The following SETBP1 variants were observed in gnomAD, a reference collection of about 807,000 sequenced individuals.
The protein encoded by SETBP1 is SET binding protein 1, also known as SET-binding protein.
In SETBP1, 9 loss-of-function variants were observed where a neutral mutation model predicts 101.0. The ratio of observed to expected loss-of-function variants is 0.09; its 90% CI spans 0.05 to 0.16. The LOEUF is 0.16. Among genes scored for constraint, SETBP1 ranks in the 10% least tolerant of loss-of-function variants. The pLI is 1.00. For synonymous variants in SETBP1, 818 were observed against 788.5 expected, an observed-to-expected ratio of 1.04 and a Z score of -0.63; for missense variants, 1,858 against 2,033.8, an observed-to-expected ratio of 0.91 and a Z score of 1.66.
chr18:44,903,588 C>T (rs2070103489), intron 3 of SETBP1, among the ~76,000 whole-genome samples: 1 of 152,188 alleles, frequency 6.6e-6, no homozygotes, highest in Non-Finnish European at 1.5e-5. Context: ...CCCTCAAAAA[C>T]TTGATAAAGC....
chr18:44,885,225 C>A (rs1260113508), intron 3 of SETBP1, among the ~76,000 whole-genome samples: 1 of 152,090 alleles, frequency 6.6e-6, no homozygotes, highest in Non-Finnish European at 1.5e-5. Context: ...TGGCCTTGAT[C>A]AACATTTTGA....
chr18:45,045,247 C>T (rs1415541745), intron 5 of SETBP1, among the ~76,000 whole-genome samples: 1 of 152,214 alleles, frequency 6.6e-6, no homozygotes. Context: ...GATGGAGAAA[C>T]CCGCTCTCTA....
intron 2 of SETBP1, among the ~76,000 whole-genome samples, chr18:44,704,509 T>C (rs1049179027): frequency 2.6e-5 from 4 of 152,242 alleles, no homozygotes; most frequent in African/African-American, 9.6e-5. Context: ...TACATTTATT[T>C]ATGCCTAGCA....
intron 2 of SETBP1, among the ~76,000 whole-genome samples, chr18:44,835,134 GT>G (rs1229951472): frequency 1.3e-5 from 2 of 152,104 alleles, no homozygotes; most frequent in African/African-American, 4.8e-5. Flanking sequence ...CAGAAGTCCT[GT>G]TTTAGGAAGG....
At chr18:44,705,239 A>T (rs1310948178) in intron 2 of SETBP1, among the ~76,000 whole-genome samples, 2 of 152,246 alleles carry the variant, frequency 1.3e-5, no homozygotes, top group African/African-American at 4.8e-5. Context: ...TTTAAATTTC[A>T]GTGTTTATAA....
intron 2 of SETBP1, among the ~76,000 whole-genome samples, chr18:44,771,416 T>A (rs894492227): frequency 2.0e-5 from 3 of 151,648 alleles, no homozygotes; most frequent in Admixed American, 2.0e-4. Context: ...AACTGTTAGA[T>A]GAGCAGCTAA....
Position 44,807,013 on chromosome 18 carries a change from G to A in SETBP1, c.487-62217G>A, listed in dbSNP as rs138962469. On this transcript the variant is annotated intron_variant, in intron 2 of 5. Coordinates refer to ENST00000649279, the MANE Select transcript of SETBP1 (RefSeq NM_015559.3). Reference sequence around the variant, plus strand: ...TATTGTTCTCAGTAAGCCCCAGAGAGCTAATATAGAACTGGGTTCAAAACT... The same window carrying A: ...TATTGTTCTCAGTAAGCCCCAGAGAACTAATATAGAACTGGGTTCAAAACT... Among the ~76,000 whole-genome samples, 788 of 152,138 alleles carry A rather than the reference G, an allele frequency of 5.2e-3. 7 individuals carry two copies. Among genetic ancestry groups the A allele is most frequent in the African/African-American group, 0.018 (742 of 41,502 alleles).
intron 4 of SETBP1, chr18:44,986,791 A>C (rs897322850): frequency 1.3e-5 from 2 of 152,168 alleles, no homozygotes; most frequent in Non-Finnish European, 2.9e-5. Flanking sequence ...GTCATCTCCT[A>C]TAATAACAAT....
chr18:45,026,559 C>T lies in SETBP1; in HGVS notation c.4001-11926C>T, dbSNP rs77393149. 2.5e-4 allele frequency among the ~76,000 whole-genome samples: 38 copies of T among 152,284 alleles called. No homozygotes were observed. The East Asian group carries it at 3.7e-3, about 15-fold the overall frequency. On this transcript the variant is annotated intron_variant, in intron 4 of 5. Coordinates refer to ENST00000649279, the MANE Select transcript of SETBP1 (RefSeq NM_015559.3). ...TTTATGTCTATTACTATAGCAAATT[C>T]GTAACCTACCTGATTGCCAAGGATG... is the stretch of plus-strand genomic sequence containing the variant.
chr18:45,037,520 A>G (rs1239051149), intron 4 of SETBP1, among the ~76,000 whole-genome samples: 1 of 152,186 alleles, frequency 6.6e-6, no homozygotes, highest in African/African-American at 2.4e-5. Flanking sequence ...AACAGCCCCT[A>G]CAAGGTAGTA....
At chr18:44,688,602 G>A (rs1029448260) in intron 1 of SETBP1, among the ~76,000 whole-genome samples, 15 of 151,360 alleles carry the variant, frequency 9.9e-5, no homozygotes, top group Non-Finnish European at 8.8e-5. Flanking sequence ...ATAGTCACCC[G>A]CCACCATGCC....
chr18:44,988,112 A>G (rs2072279736), intron 4 of SETBP1: 1 of 152,220 alleles, frequency 6.6e-6, no homozygotes, highest in Non-Finnish European at 1.5e-5. Flanking sequence ...AGAAATATAT[A>G]CACATTCATA....
chr18:44,698,854 A>AT (rs1050216212), intron 1 of SETBP1, among the ~76,000 whole-genome samples: 9 of 152,014 alleles, frequency 5.9e-5, no homozygotes, highest in Admixed American at 2.0e-4. Flanking sequence ...TTTGTATTGA[A>AT]TTTTTTTTGT....
At chr18:44,856,097 C>G (rs1462140798) in intron 2 of SETBP1, among the ~76,000 whole-genome samples, 3 of 150,294 alleles carry the variant, frequency 2.0e-5, no homozygotes, top group Non-Finnish European at 4.4e-5. Flanking sequence ...TTCACATTCC[C>G]TATTTCACAG....
chr18:45,012,947 A>C (rs1417597296), intron 4 of SETBP1, among the ~76,000 whole-genome samples: 1 of 152,224 alleles, frequency 6.6e-6, no homozygotes, highest in African/African-American at 2.4e-5. Flanking sequence ...CCATGTCATA[A>C]AGCTATACTT....
At chr18:44,914,748 T>A (rs1238483512) in intron 3 of SETBP1, among the ~76,000 whole-genome samples, 1 of 152,066 alleles carries the variant, frequency 6.6e-6, no homozygotes, top group Non-Finnish European at 1.5e-5. Flanking sequence ...CCCCCTCATG[T>A]TATAGATGAA....
At chr18:44,741,151 A>T (rs1285215807) in intron 2 of SETBP1, among the ~76,000 whole-genome samples, 1 of 152,228 alleles carries the variant, frequency 6.6e-6, no homozygotes, top group Admixed American at 6.5e-5. Context: ...TTGAGTACCT[A>T]TTCTGTCCCA....
chr18:44,769,639 A>G (rs2070831610), intron 2 of SETBP1, among the ~76,000 whole-genome samples: 1 of 152,250 alleles, frequency 6.6e-6, no homozygotes, highest in African/African-American at 2.4e-5. Context: ...AATGGAGAGT[A>G]GAGAATTCAA....
At chr18:44,963,462 G>T (rs994813833) in intron 4 of SETBP1, among the ~76,000 whole-genome samples, 2 of 151,928 alleles carry the variant, frequency 1.3e-5, no homozygotes, top group African/African-American at 2.4e-5. Flanking sequence ...AGACACAAGT[G>T]GTGCACAAGA....
Sources: gnomAD v4.1 joint callset for allele counts (sites outside exome capture counted in the v4.1 genomes callset) on GRCh38, gnomAD v4.1.1 for gene constraint, MANE v1.5 for transcripts, NCBI Gene and HGNC (gene_info 2026-07-23, HGNC 2026-07-21) for gene names.